Variants in NECTIN3 observed in about 807,000 individuals in gnomAD.
NECTIN3 encodes nectin cell adhesion molecule 3, also known as nectin-3.
In NECTIN3, 8 loss-of-function variants were observed where a neutral mutation model predicts 49.4. The observed-to-expected ratio is 0.16, with a 90% CI of 0.10 to 0.29. The LOEUF (loss-of-function observed/expected upper bound fraction) is 0.29, where lower values mean the gene tolerates loss of function less well. Among genes scored for constraint, NECTIN3 ranks in the 10% least tolerant of loss-of-function variants. The pLI, the probability that NECTIN3 is intolerant of heterozygous loss-of-function variation, is 1.00. For synonymous variants in NECTIN3, 277 were observed against 241.1 expected (o/e 1.15, Z -1.38); for missense variants, 581 against 654.6 (o/e 0.89, Z 1.23).
exon 7 of NECTIN3, chr3:111,147,434 C>A: frequency 6.5e-7 from 1 of 1,533,466 alleles, no homozygotes; most frequent in Middle Eastern, 1.7e-4. Flanking sequence ...TAAACCACCT[C>A]CTCTGTATGA....
At chr3:111,084,955 C>T (rs1430115066) in intron 1 of NECTIN3, among the ~76,000 whole-genome samples, 2 of 152,202 alleles carry the variant, frequency 1.3e-5, no homozygotes, top group African/African-American at 4.8e-5. Flanking sequence ...AAGGTGTAAG[C>T]AAGGCCATGT....
rs1489289022 is a variant in NECTIN3 at position 111,135,138 on chromosome 3, T to C, written c.*923T>C. On this transcript the variant is annotated 3_prime_UTR_variant, in exon 6 of 6. Coordinates refer to ENST00000485303, the MANE Select transcript of NECTIN3 (RefSeq NM_015480.3). The stretch of plus-strand genomic sequence containing the variant: ...GAAATGAGACTTTCAGCCAACAATC[T>C]ATAGAAAGAATTTTATGGACCATCT... The C allele has an allele frequency of 1.0e-6, 1 of 981,586 alleles. No homozygotes were observed. The highest frequency in any genetic ancestry group is 1.8e-5 in the African/African-American group (1 of 57,138). The allele number at this position is 981,586 out of a possible 1,614,324, so 60.8% of individuals were successfully genotyped here. A position where few individuals can be genotyped will look rare whatever the true frequency, so the allele number is the denominator to read the frequency against.
chr3:111,078,190 T>C (rs952703223), intron 1 of NECTIN3, among the ~76,000 whole-genome samples: 1 of 152,182 alleles, frequency 6.6e-6, no homozygotes, highest in Non-Finnish European at 1.5e-5. Flanking sequence ...TTTAATTGTC[T>C]CTAAAGTGGG....
intron 7 of NECTIN3, among the ~76,000 whole-genome samples, chr3:111,161,435 G>T (rs1576171031): frequency 6.6e-6 from 1 of 152,146 alleles, no homozygotes; most frequent in African/African-American, 2.4e-5. Flanking sequence ...GTAAAGGGAA[G>T]GTTCTCAAGA....
chr3:111,162,040 C>A (rs1027211576), intron 7 of NECTIN3, among the ~76,000 whole-genome samples: 1 of 152,104 alleles, frequency 6.6e-6, no homozygotes, highest in African/African-American at 2.4e-5. Flanking sequence ...ACATTATGAT[C>A]CTTCCATTCT....
chr3:111,118,248 CTATATATATATATATATATATATATA>C (rs34878535), intron 2 of NECTIN3, among the ~76,000 whole-genome samples: 4 of 78,002 alleles, frequency 5.1e-5, no homozygotes, highest in South Asian at 4.4e-4. Flanking sequence ...TAAAATGAAG[CTATATATATATATATATATATATATA>C]TATATATATT....
chr3:111,186,806 A>G (rs1229471187), intron 7 of NECTIN3, among the ~76,000 whole-genome samples: 2 of 152,198 alleles, frequency 1.3e-5, no homozygotes, highest in African/African-American at 4.8e-5. Context: ...GCTATAATAT[A>G]GTACATGTAA....
At chr3:111,140,112 ACCTCT>A (rs1180588055), downstream of NECTIN3, among the ~76,000 whole-genome samples, 1 of 151,864 alleles carries the variant, frequency 6.6e-6, no homozygotes, top group African/African-American at 2.4e-5. Context: ...CTAAAATGCC[ACCTCT>A]CAAAAACAAA....
intron 7 of NECTIN3, among the ~76,000 whole-genome samples, chr3:111,152,121 T>G (rs950493565): frequency 6.6e-6 from 1 of 151,954 alleles, no homozygotes; most frequent in Admixed American, 6.6e-5. Context: ...GTCTACGTAG[T>G]ATTGTAATGC....
chr3:111,150,438 T>G (rs1221524433), intron 7 of NECTIN3, among the ~76,000 whole-genome samples: 1 of 151,980 alleles, frequency 6.6e-6, no homozygotes, highest in Non-Finnish European at 1.5e-5. Context: ...TTTCATGACT[T>G]AAGACATTTG....
rs777034834 is a variant in NECTIN3, at chr3:111,112,354, C to T, written c.485C>T (p.Thr162Ile). ...TFPLGNAQSS[T>I]TVTVLVEPTV... ...CCGCTTGGAAATGCCCAGTCCTCTA[C>T]AACTGTAACTGTGTTAGGTAGGTAT... The change falls in exon 2 of 6, where the codon ACA (threonine) becomes ATA (isoleucine). Residue 162 changes from threonine to isoleucine, a missense_variant. By Grantham distance (89) the Thr-to-Ile change is moderately conservative. This residue lies in a region of NECTIN3 where 234 missense variants were observed against 340.6 expected (regional missense o/e 0.69). Transcript: ENST00000485303. 6 of 1,602,666 alleles carry T rather than the reference C, an allele frequency of 3.7e-6. No individual in the cohort carries two copies. Among genetic ancestry groups the T allele is most frequent in the Non-Finnish European group, 5.1e-6 (6 of 1,171,748 alleles).
intron 6 of NECTIN3, among the ~76,000 whole-genome samples, chr3:111,145,489 A>G (rs2034852753): frequency 1.3e-5 from 2 of 152,268 alleles, no homozygotes; most frequent in Non-Finnish European, 1.5e-5. Context: ...TTTTCTTAAG[A>G]AAAATACTCT....
intron 7 of NECTIN3, among the ~76,000 whole-genome samples, chr3:111,177,680 A>G (rs1559820020): frequency 6.6e-6 from 1 of 152,196 alleles, no homozygotes; most frequent in Non-Finnish European, 1.5e-5. Context: ...ATAAAATGGT[A>G]TGAGTGGGTA....
At chr3:111,140,835 C>T (rs558012305), downstream of NECTIN3, among the ~76,000 whole-genome samples, 127 of 152,016 alleles carry the variant, frequency 8.4e-4, 2 homozygotes, top group South Asian at 0.025. Flanking sequence ...AGGAAAACAC[C>T]TGATACTTGG....
In NECTIN3 at chr3:111,086,212, G is replaced by A. The variant is rs2031915087; in HGVS notation, c.160+14035G>A. Among the ~76,000 whole-genome samples the A allele has an allele frequency of 2.0e-5, 3 of 151,942 alleles. No homozygotes were observed. In the South Asian group the frequency reaches 6.2e-4, roughly 32 times the overall value. On this transcript the variant is annotated intron_variant, in intron 1 of 5. Coordinates refer to ENST00000485303, the MANE Select transcript of NECTIN3 (RefSeq NM_015480.3). The stretch of plus-strand genomic sequence containing the variant: ...AATATGAACCCTTTGTTAATTATAT[G>A]TATTGCAAATATCTTCTACTCTGGC...
intron 1 of NECTIN3, among the ~76,000 whole-genome samples, chr3:111,094,910 A>G (rs1017720602): frequency 2.0e-5 from 3 of 152,218 alleles, no homozygotes; most frequent in Non-Finnish European, 2.9e-5. Context: ...CCCTCCCCAA[A>G]TCTAAGTTCA....
chr3:111,107,905 G>C (rs886364186), intron 1 of NECTIN3, among the ~76,000 whole-genome samples: 2 of 152,084 alleles, frequency 1.3e-5, no homozygotes, highest in Admixed American at 1.3e-4. Context: ...TGCAACAACA[G>C]AACTCTGGCT....
chr3:111,168,832 CAT>C (rs2035375878), intron 7 of NECTIN3, among the ~76,000 whole-genome samples: 1 of 152,144 alleles, frequency 6.6e-6, no homozygotes, highest in Non-Finnish European at 1.5e-5. Flanking sequence ...TGCCTTTTAG[CAT>C]ATGTCTGGCA....
At chr3:111,145,982 A>G (rs892832816) in intron 6 of NECTIN3, among the ~76,000 whole-genome samples, 8 of 152,192 alleles carry the variant, frequency 5.3e-5, no homozygotes, top group African/African-American at 1.4e-4. Context: ...CTTTATCTCA[A>G]TGAGCCTCAT....
Sources: allele counts gnomAD v4.1 joint callset (sites outside exome capture counted in the v4.1 genomes callset), GRCh38; gene constraint gnomAD v4.1.1; regional missense constraint gnomAD v4.1.1; transcripts MANE v1.5; gene names NCBI Gene and HGNC (gene_info 2026-07-23, HGNC 2026-07-21).